Variants in COLEC12 observed in about 807,000 individuals in gnomAD.
COLEC12 encodes the protein collectin subfamily member 12.
In COLEC12, 33 loss-of-function variants were observed where a neutral mutation model predicts 71.1. The observed-to-expected ratio is 0.46, with a 90% CI of 0.35 to 0.62. The LOEUF is 0.62. Ranked by LOEUF, COLEC12 falls within the 20% of genes least tolerant of loss-of-function variation. The probability of loss-of-function intolerance (pLI) is 0.00; values close to 1 mark genes in which losing one functional copy is unlikely to be tolerated. For missense variants in COLEC12, 765 were observed against 916.1 expected, an observed-to-expected ratio of 0.84 and a Z score of 2.13; for synonymous variants, 350 against 353.0, an observed-to-expected ratio of 0.99 and a Z score of 0.10.
At chr18:388,639 G>A (rs923559772) in intron 2 of COLEC12, among the ~76,000 whole-genome samples, 3 of 152,146 alleles carry the variant, frequency 2.0e-5, no homozygotes, top group African/African-American at 4.8e-5. Context: ...TGTTGCCCAA[G>A]CAGGAGTGCA....
At position 319,897 on chromosome 18, in the gene COLEC12, T is replaced by G; in HGVS notation, c.*148A>C. The G allele has an allele frequency of 1.5e-6, 1 of 659,576 alleles. No homozygotes were observed. Among genetic ancestry groups the G allele is most frequent in the Admixed American group, 3.3e-5 (1 of 30,032 alleles). The allele number at this position is 659,576 out of a possible 1,614,324, so 40.9% of individuals were successfully genotyped here. A position where few individuals can be genotyped will look rare whatever the true frequency, so the allele number is the denominator to read the frequency against. Reference sequence around the variant, plus strand: ...CAAGTCTTTGGGTAATGACGGATGGTAAAAAACACTAGCTGTCAATTTTTT... The same window carrying G: ...CAAGTCTTTGGGTAATGACGGATGGGAAAAAACACTAGCTGTCAATTTTTT... On this transcript the variant is annotated 3_prime_UTR_variant, in exon 10 of 10. Coordinates refer to ENST00000400256, the MANE Select transcript of COLEC12 (RefSeq NM_130386.3).
intron 2 of COLEC12, among the ~76,000 whole-genome samples, chr18:468,135 G>A (rs1399387250): frequency 6.6e-6 from 1 of 151,912 alleles, no homozygotes; most frequent in Non-Finnish European, 1.5e-5. Context: ...GGTGTCATGT[G>A]CCTGTAGTCC....
rs77004542 is a variant in COLEC12, at chr18:440,360, A to AAC, written c.58+40345_58+40346dup. On this transcript the variant is annotated intron_variant, in intron 2 of 9. Coordinates refer to ENST00000400256, the MANE Select transcript of COLEC12 (RefSeq NM_130386.3). ...AAAGAAGTAGGTCTGAAATGTTCTC[A>AAC]ACACACACACACACACATACACACA... Among the ~76,000 whole-genome samples the AAC allele has an allele frequency of 5.3e-3, 628 of 118,804 alleles. 4 individuals are homozygous for AAC. Among genetic ancestry groups the AAC allele is most frequent in the African/African-American group, 0.015 (472 of 30,600 alleles). The allele number at this position is 118,804 out of a possible 152,430, so 77.9% of individuals were successfully genotyped here.
intron 2 of COLEC12, among the ~76,000 whole-genome samples, chr18:397,382 A>G (rs1915593622): frequency 6.6e-6 from 1 of 152,214 alleles, no homozygotes; most frequent in Non-Finnish European, 1.5e-5. Flanking sequence ...GGCCATTATC[A>G]TTACTTAATA....
intron 2 of COLEC12, among the ~76,000 whole-genome samples, chr18:413,614 A>G (rs1915933623): frequency 6.6e-6 from 1 of 152,240 alleles, no homozygotes; most frequent in South Asian, 2.1e-4. Flanking sequence ...GTTTGAGGCC[A>G]GGAGCTCAAG....
chr18:407,037 T>C (rs1051786493), intron 2 of COLEC12, among the ~76,000 whole-genome samples: 1 of 152,234 alleles, frequency 6.6e-6, no homozygotes, highest in Admixed American at 6.5e-5. Flanking sequence ...CTGCTTCTGC[T>C]AGATGGGCAC....
intron 2 of COLEC12, among the ~76,000 whole-genome samples, chr18:436,055 T>A (rs1916397181): frequency 6.6e-6 from 1 of 152,228 alleles, no homozygotes; most frequent in African/African-American, 2.4e-5. Flanking sequence ...GCCACATTAT[T>A]GCTACAAAAC....
Position 331,676 on chromosome 18 carries a change from TG to T in COLEC12, c.2054del (p.Pro685GlnfsTer27). The T allele has an allele frequency of 6.2e-7, 1 of 1,605,524 alleles. No individual in the cohort carries two copies. Among genetic ancestry groups the T allele is most frequent in the Non-Finnish European group, 8.5e-7 (1 of 1,172,124 alleles). On this transcript the variant is annotated frameshift_variant, in exon 8 of 10. Coordinates refer to ENST00000400256, the MANE Select transcript of COLEC12 (RefSeq NM_130386.3). LOFTEE classifies it high-confidence loss of function. ...NEWKWLDGTS[P>X]DYKNWKAGQP... Reference sequence around the variant, plus strand: ...AGCTTCTGAGTACTTACTTGTAGTCTGGAGATGTCCCATCCAGCCACTTCCA... The same window carrying T: ...AGCTTCTGAGTACTTACTTGTAGTCTGAGATGTCCCATCCAGCCACTTCCA...
intron 1 of COLEC12, among the ~76,000 whole-genome samples, chr18:482,261 C>G (rs531734602): frequency 1.2e-3 from 188 of 151,734 alleles, no homozygotes; most frequent in African/African-American, 4.4e-3. Context: ...TTACAGGCAC[C>G]CGCCACTACC....
intron 2 of COLEC12, among the ~76,000 whole-genome samples, chr18:439,178 G>A (rs1467065240): frequency 6.6e-6 from 1 of 152,136 alleles, no homozygotes; most frequent in Non-Finnish European, 1.5e-5. Context: ...CTTTCACAAT[G>A]GTATATTCCT....
intron 1 of COLEC12, among the ~76,000 whole-genome samples, chr18:482,439 G>T (rs937602493): frequency 6.6e-6 from 1 of 151,654 alleles, no homozygotes; most frequent in Non-Finnish European, 1.5e-5. Flanking sequence ...CAAGTAAGAG[G>T]TGCCAAAGCC....
At chr18:379,648 T>A (rs1292129610) in intron 2 of COLEC12, among the ~76,000 whole-genome samples, 1 of 152,186 alleles carries the variant, frequency 6.6e-6, no homozygotes, top group Non-Finnish European at 1.5e-5. Context: ...TTCCACTAAG[T>A]AGTGGCCTCT....
chr18:429,984 G>A (rs906340900), intron 2 of COLEC12, among the ~76,000 whole-genome samples: 3 of 152,182 alleles, frequency 2.0e-5, no homozygotes, highest in Non-Finnish European at 2.9e-5. Context: ...GTTTTGCTCA[G>A]TTCTGCATCG....
chr18:445,433 T>G (rs2127639), intron 2 of COLEC12, among the ~76,000 whole-genome samples: 1 of 151,976 alleles, frequency 6.6e-6, no homozygotes, highest in Non-Finnish European at 1.5e-5. Flanking sequence ...TTATCTGTTA[T>G]GTTTTTAAAC....
chr18:487,055 A>AT (rs1555623353), intron 1 of COLEC12, among the ~76,000 whole-genome samples: 1 of 152,188 alleles, frequency 6.6e-6, no homozygotes, highest in Non-Finnish European at 1.5e-5. Flanking sequence ...CAGCAAAAAA[A>AT]GGGGGGGAGA....
intron 2 of COLEC12, among the ~76,000 whole-genome samples, chr18:474,543 G>A (rs1467599494): frequency 2.0e-5 from 3 of 152,156 alleles, no homozygotes; most frequent in East Asian, 1.9e-4. Context: ...GTTGCCAAAG[G>A]AGCCTGTGGT....
At chr18:415,341 T>C (rs987525088) in intron 2 of COLEC12, among the ~76,000 whole-genome samples, 5 of 152,138 alleles carry the variant, frequency 3.3e-5, no homozygotes, top group Admixed American at 6.5e-5. Flanking sequence ...ACTGCTGCCT[T>C]TTCCTTGTAT....
At chr18:383,368 T>C (rs996217041) in intron 2 of COLEC12, among the ~76,000 whole-genome samples, 2 of 152,054 alleles carry the variant, frequency 1.3e-5, no homozygotes, top group African/African-American at 2.4e-5. Context: ...TGCAATGAGA[T>C]GGAGGTGAGG....
chr18:442,263 CTT>C (rs1916557742), intron 2 of COLEC12, among the ~76,000 whole-genome samples: 1 of 152,124 alleles, frequency 6.6e-6, no homozygotes, highest in South Asian at 2.1e-4. Context: ...TCAGAGATGA[CTT>C]ATAAATTCAA....
Sources: allele counts gnomAD v4.1 joint callset (sites outside exome capture counted in the v4.1 genomes callset), GRCh38; gene constraint gnomAD v4.1.1; transcripts MANE v1.5; gene names NCBI Gene and HGNC (gene_info 2026-07-23, HGNC 2026-07-21).